Variants in AFF1 observed in about 807,000 individuals in gnomAD.
The protein encoded by AFF1 is AF4/FMR2 family member 1.
Under a neutral mutation model 121.7 loss-of-function variants are expected in AFF1, and 48 were observed. That is an observed-to-expected ratio of 0.39 (90% CI 0.31 to 0.50). The LOEUF (loss-of-function observed/expected upper bound fraction) is 0.50, where lower values mean the gene tolerates loss of function less well. AFF1 is among the 20% of genes least tolerant of loss of function. AFF1 has a pLI of 0.76. For synonymous variants in AFF1, 613 were observed against 563.0 expected (o/e 1.09, Z -1.26); for missense variants, 1,523 against 1,511.7 (o/e 1.01, Z -0.12).
chr4:87,044,945 T>C (rs1197739757), intron 2 of AFF1, among the ~76,000 whole-genome samples: 9 of 152,162 alleles, frequency 5.9e-5, no homozygotes, highest in Non-Finnish European at 2.9e-5. Flanking sequence ...TATTCTGCAG[T>C]AGTAAAGAGC....
chr4:86,936,891 A>T (rs765520478), intron 1 of AFF1, among the ~76,000 whole-genome samples: 5 of 152,234 alleles, frequency 3.3e-5, no homozygotes, highest in Admixed American at 1.3e-4. Context: ...CAAAATACAT[A>T]AGTAGTACGT....
intron 11 of AFF1, among the ~76,000 whole-genome samples, chr4:87,108,695 T>G (rs1000441866): frequency 1.3e-5 from 2 of 152,208 alleles, no homozygotes; most frequent in Non-Finnish European, 2.9e-5. Context: ...CTTCGTGAAA[T>G]TTTAGAAATG....
intron 2 of AFF1, among the ~76,000 whole-genome samples, chr4:86,999,431 T>G (rs1349753050): frequency 6.6e-6 from 1 of 152,222 alleles, no homozygotes; most frequent in Admixed American, 6.5e-5. Context: ...GTCTCATTGA[T>G]AGATATCTCT....
chr4:87,127,644 C>A lies in AFF1; in HGVS notation c.2905C>A (p.Gln969Lys), dbSNP rs779063191. 5.0e-6 allele frequency: 8 copies of A among 1,613,916 alleles called. No homozygotes were observed. In the African/African-American group the frequency reaches 9.3e-5, roughly 19 times the overall value. Residue 969 changes from glutamine (Q) to lysine (K), a missense_variant and splice_region_variant, in exon 16 of 21, where the codon CAA becomes AAA. Gln to Lys is a moderately conservative substitution (Grantham distance 53). This residue lies in a region of AFF1 where 905 missense variants were observed against 842.5 expected (regional missense o/e 1.07). Coordinates refer to ENST00000395146, the MANE Select transcript of AFF1 (RefSeq NM_001166693.3). ...TCCCTGGTTTTTCCTCTTTTTCAGA[C>A]AACAAGCAGACCTTCACATGAGGGA... Reference protein sequence around the residue: ...PGKPQVKFDKQQADLHMREAK... With the variant: ...PGKPQVKFDKKQADLHMREAK...
At chr4:87,111,632 G>T (rs1290972666) in intron 11 of AFF1, among the ~76,000 whole-genome samples, 1 of 152,166 alleles carries the variant, frequency 6.6e-6, no homozygotes, top group Non-Finnish European at 1.5e-5. Context: ...GGGATTACAG[G>T]TGTGAGCCAC....
chr4:87,045,666 G>T (rs111813617), intron 2 of AFF1, among the ~76,000 whole-genome samples: 265 of 152,202 alleles, frequency 1.7e-3, no homozygotes, highest in African/African-American at 6.0e-3. Context: ...GAAAGTAAAT[G>T]CTGTTTTGGG....
At chr4:86,948,614 T>C in intron 2 of AFF1, 43 bp downstream of exon 2, 1 of 1,510,184 alleles carries the variant, frequency 6.6e-7, no homozygotes, top group Non-Finnish European at 8.9e-7. Context: ...TGATATTTAA[T>C]TTTATAATCT....
intron 8 of AFF1, among the ~76,000 whole-genome samples, chr4:87,102,221 T>C (rs1424888370): frequency 6.6e-6 from 1 of 152,252 alleles, no homozygotes; most frequent in Non-Finnish European, 1.5e-5. Context: ...TCAAAGTAGG[T>C]AATACGGTTG....
intron 2 of AFF1, chr4:87,007,261 G>C: frequency 6.6e-7 from 1 of 1,510,186 alleles, no homozygotes; most frequent in Non-Finnish European, 8.8e-7. Flanking sequence ...CCCGGGGCTC[G>C]AGAGCAGGTA....
At chr4:87,093,483 G>A (rs1724522969) in intron 7 of AFF1, among the ~76,000 whole-genome samples, 1 of 152,146 alleles carries the variant, frequency 6.6e-6, no homozygotes, top group Non-Finnish European at 1.5e-5. Flanking sequence ...TATGGTACTG[G>A]TACATAGGTT....
intron 1 of AFF1, among the ~76,000 whole-genome samples, chr4:86,940,523 C>T (rs1009061855): frequency 6.6e-5 from 10 of 152,102 alleles, no homozygotes; most frequent in African/African-American, 2.4e-4. Context: ...CTCAGCCACT[C>T]GAATAGCTGG....
In AFF1 at chr4:86,948,574, A is replaced by G; in HGVS notation, c.38+3A>G. On this transcript the variant is annotated splice_donor_region_variant and intron_variant, in intron 2 of 20. Coordinates refer to ENST00000395146, the MANE Select transcript of AFF1 (RefSeq NM_001166693.3). ...AGAGTCAACAGCAGTGGCAACAGGT[A>G]AGCATAGAATCTATGATTCAAAGAC... The G allele has an allele frequency of 3.9e-6, 6 of 1,536,274 alleles. No homozygotes were observed. Among genetic ancestry groups the G allele is most frequent in the Admixed American group, 2.0e-5 (1 of 50,992 alleles).
chr4:87,098,895 C>T (rs1725139387), intron 8 of AFF1, among the ~76,000 whole-genome samples: 5 of 152,126 alleles, frequency 3.3e-5, no homozygotes, highest in Admixed American at 3.3e-4. Context: ...AGTCTGATAC[C>T]TTTTCAAATG....
At chr4:87,051,487 A>G (rs1731253353) in intron 4 of AFF1, among the ~76,000 whole-genome samples, 1 of 149,886 alleles carries the variant, frequency 6.7e-6, no homozygotes, top group Non-Finnish European at 1.5e-5. Context: ...TTTGAGACAG[A>G]GTCTTGCTCT....
intron 8 of AFF1, among the ~76,000 whole-genome samples, chr4:87,102,527 G>A (rs1725528608): frequency 6.6e-6 from 1 of 152,130 alleles, no homozygotes; most frequent in Admixed American, 6.5e-5. Context: ...AATGTGAAGG[G>A]ATGGTCAAAA....
intron 4 of AFF1, among the ~76,000 whole-genome samples, chr4:87,069,271 CTT>C (rs753186809): frequency 3.7e-5 from 3 of 80,568 alleles, no homozygotes; most frequent in African/African-American, 1.6e-4. Context: ...TGTGTGGCCT[CTT>C]TTTTTTTTTT....
At chr4:86,984,864 G>A (rs1382688415) in intron 2 of AFF1, among the ~76,000 whole-genome samples, 5 of 152,070 alleles carry the variant, frequency 3.3e-5, no homozygotes, top group Non-Finnish European at 7.4e-5. Context: ...TGAGGCTGCA[G>A]TGAGCTGTGA....
At chr4:87,115,409 C>G (rs1452726834) in intron 12 of AFF1, 110 bp downstream of exon 12, 2 of 1,155,414 alleles carry the variant, frequency 1.7e-6, no homozygotes, top group African/African-American at 1.6e-5. Context: ...TCTCACAAGT[C>G]TTTGCTTTGA....
Position 86,979,480 on chromosome 4 carries a change from C to T in AFF1, c.38+30909C>T, listed in dbSNP as rs932866113. Among the ~76,000 whole-genome samples, 20 of 152,114 alleles carry T rather than the reference C, an allele frequency of 1.3e-4. No individual in the cohort carries two copies. The East Asian group carries it at 2.5e-3, about 19-fold the overall frequency. On this transcript the variant is annotated intron_variant, in intron 2 of 20. Coordinates refer to ENST00000395146, the MANE Select transcript of AFF1 (RefSeq NM_001166693.3). Reference sequence around the variant, plus strand: ...TAGGTGTTGATTAGATGAACTGATACGAATAAAACCTATGTGGGGGTGGGA... The same window carrying T: ...TAGGTGTTGATTAGATGAACTGATATGAATAAAACCTATGTGGGGGTGGGA...
Sources: gnomAD v4.1 joint callset for allele counts (sites outside exome capture counted in the v4.1 genomes callset) on GRCh38, gnomAD v4.1.1 for gene constraint, gnomAD v4.1.1 regional missense constraint, MANE v1.5 for transcripts, NCBI Gene and HGNC (gene_info 2026-07-23, HGNC 2026-07-21) for gene names.